Variants in STAM2 observed in about 807,000 individuals in gnomAD.
The protein encoded by STAM2 is signal transducing adapter molecule 2.
A neutral mutation model predicts 65.6 loss-of-function variants in STAM2; 51 were observed. That is an observed-to-expected ratio of 0.78 (90% CI 0.62 to 0.98). STAM2 has a LOEUF of 0.98. Ranked by LOEUF, STAM2 falls within the 50% of genes least tolerant of loss-of-function variation. The probability of loss-of-function intolerance (pLI) is 0.00; values close to 1 mark genes in which losing one functional copy is unlikely to be tolerated. For missense variants in STAM2, 584 were observed against 617.8 expected (o/e 0.95, Z 0.58); for synonymous variants, 198 against 208.4 (o/e 0.95, Z 0.43).
At chr2:152,147,974 C>G in intron 4 of STAM2, 50 bp downstream of exon 4, 1 of 1,361,504 alleles carries the variant, frequency 7.3e-7, no homozygotes, top group Non-Finnish European at 1.0e-6. Context: ...TAATGACACA[C>G]AATCTACATT....
Position 152,147,147 on chromosome 2 carries a change from G to A in STAM2, c.447+15C>T. The A allele has an allele frequency of 6.3e-7, 1 of 1,596,698 alleles. No individual in the cohort carries two copies. The highest frequency in any genetic ancestry group is 8.5e-7 in the Non-Finnish European group (1 of 1,174,094). On this transcript the variant is annotated intron_variant, in intron 5 of 13. Transcript: ENST00000263904. The stretch of plus-strand genomic sequence containing the variant: ...ATATTATAGGGTCAACCATGGGTCT[G>A]AATAAATCTCTCACCTGAGAACCTG...
At chr2:152,132,012 G>T in intron 11 of STAM2, 102 bp downstream of exon 11, 1 of 732,700 alleles carries the variant, frequency 1.4e-6, no homozygotes. Context: ...CAATTTCCAT[G>T]AATTGTACAG....
chr2:152,159,688 G>C (rs978674679), intron 1 of STAM2, among the ~76,000 whole-genome samples: 6 of 152,050 alleles, frequency 3.9e-5, no homozygotes, highest in Non-Finnish European at 7.4e-5. Context: ...AGTTTTCCTC[G>C]TTTTTAAAAG....
intron 1 of STAM2, among the ~76,000 whole-genome samples, chr2:152,162,753 C>T (rs1003563093): frequency 7.9e-5 from 12 of 151,944 alleles, no homozygotes; most frequent in Admixed American, 3.3e-4. Context: ...GTGATTCTCC[C>T]GCCTCAGCAT....
chr2:152,172,941 C>T (rs964518050), intron 1 of STAM2, among the ~76,000 whole-genome samples: 2 of 151,648 alleles, frequency 1.3e-5, no homozygotes, highest in Non-Finnish European at 2.9e-5. Context: ...GAGAAAGCTC[C>T]TATCTGAAGG....
At chr2:152,153,003 T>C (rs1389719631) in intron 1 of STAM2, among the ~76,000 whole-genome samples, 1 of 152,178 alleles carries the variant, frequency 6.6e-6, no homozygotes, top group Non-Finnish European at 1.5e-5. Flanking sequence ...AAATATTACA[T>C]GATCAAAGTA....
At chr2:152,172,095 C>A (rs952012882) in intron 1 of STAM2, among the ~76,000 whole-genome samples, 2 of 152,248 alleles carry the variant, frequency 1.3e-5, no homozygotes, top group African/African-American at 4.8e-5. Context: ...ACCCCTCTAA[C>A]ACTTGAGGCC....
At chr2:152,160,979 C>A (rs911401810) in intron 1 of STAM2, among the ~76,000 whole-genome samples, 2 of 152,260 alleles carry the variant, frequency 1.3e-5, no homozygotes, top group African/African-American at 4.8e-5. Context: ...GCCCGGCCAC[C>A]ACCCCGTCTG....
chr2:152,156,689 AGGC>A (rs1158071519), intron 1 of STAM2, among the ~76,000 whole-genome samples: 1 of 152,202 alleles, frequency 6.6e-6, no homozygotes, highest in African/African-American at 2.4e-5. Context: ...AGGAACAAAA[AGGC>A]TCCCCCCCTT....
chr2:152,163,446 T>G (rs1198498013), intron 1 of STAM2, among the ~76,000 whole-genome samples: 1 of 151,014 alleles, frequency 6.6e-6, no homozygotes, highest in Non-Finnish European at 1.5e-5. Context: ...ATGATTGCAT[T>G]AACTGTACAA....
chr2:152,162,223 C>G (rs1404066760), intron 1 of STAM2, among the ~76,000 whole-genome samples: 1 of 152,210 alleles, frequency 6.6e-6, no homozygotes. Flanking sequence ...TAAGCAATAA[C>G]TCCTGAGCAT....
chr2:152,135,060 G>A (rs1274853247), intron 8 of STAM2, among the ~76,000 whole-genome samples: 5 of 152,282 alleles, frequency 3.3e-5, no homozygotes, highest in Non-Finnish European at 4.4e-5. Flanking sequence ...TCAAGGTGAG[G>A]AAAGGTCTAA....
intron 11 of STAM2, 142 bp downstream of exon 11, chr2:152,131,972 A>G: frequency 1.7e-6 from 1 of 588,746 alleles, no homozygotes; most frequent in South Asian, 2.4e-5. Context: ...CCTTGCTATA[A>G]ATTTGTTAAA....
rs754764973 is a variant in STAM2, at chr2:152,123,811, A to G, written c.1304T>C (p.Val435Ala). ...AGGCTGTGCTGTCACTGAGGAATTC[A>G]CATTTGGAGGCAGAGATCTCAGTGG... ...IGPLRSLPPN[V>A]NSSVTAQPAQ... The change falls in exon 13 of 14, where the codon GTG becomes GCG. Residue 435 changes from valine (V) to alanine (A), a missense_variant. By Grantham distance (64) the Val-to-Ala change is moderately conservative. Coordinates refer to ENST00000263904, the MANE Select transcript of STAM2 (RefSeq NM_005843.6). 2 of 1,614,208 alleles carry G rather than the reference A, an allele frequency of 1.2e-6. No homozygotes were observed. Among genetic ancestry groups the G allele is most frequent in the Non-Finnish European group, 1.7e-6 (2 of 1,180,034 alleles).
chr2:152,159,110 T>TATATATATATATATATATATAC (rs575009275), intron 1 of STAM2, among the ~76,000 whole-genome samples: 2,689 of 128,052 alleles, frequency 0.021, 44 homozygotes, highest in Non-Finnish European at 0.029. Context: ...TATATATATA[T>TATATATATATATATATATATAC]ACACACACAG....
chr2:152,160,394 T>A (rs1398290181), intron 1 of STAM2, among the ~76,000 whole-genome samples: 7 of 142,226 alleles, frequency 4.9e-5, no homozygotes, highest in African/African-American at 1.6e-4. Context: ...CCGTCTGGGA[T>A]GTGAGGAGCG....
chr2:152,144,932 C>T lies in STAM2; in HGVS notation c.473G>A (p.Gly158Asp). The T allele has an allele frequency of 6.2e-7, 1 of 1,613,870 alleles. No homozygotes were observed. The highest frequency in any genetic ancestry group is 8.5e-7 in the Non-Finnish European group (1 of 1,179,808). Residue 158 changes from glycine to aspartate, a missense_variant, in exon 6 of 14, where the codon GGT (glycine) becomes GAT (aspartate). Physicochemically the swap from Gly to Asp is moderately conservative, Grantham distance 94 (BLOSUM62 -1). Coordinates refer to ENST00000263904, the MANE Select transcript of STAM2 (RefSeq NM_005843.6). Reference protein sequence around the residue: ...SQTVSAAAKNGTSSNKNKEDE... With the variant: ...SQTVSAAAKNDTSSNKNKEDE... ...CTCTTTGTTTTTGTTCGATGACGTA[C>T]CATTCTTGGCAGCAGCTGAGACAGT...
chr2:152,152,878 A>T (rs1159090116), intron 1 of STAM2, among the ~76,000 whole-genome samples: 2 of 152,224 alleles, frequency 1.3e-5, no homozygotes, highest in Non-Finnish European at 2.9e-5. Context: ...AATGATAAAC[A>T]TCAAACTTGA....
At position 152,153,303 on chromosome 2, in the gene STAM2, T is replaced by C. The variant is rs182141052; in HGVS notation, c.41-3074A>G. ...AGAATAATCTAGCAAAACATACATATATATATATGAATGACAGGTAATATC... is the reference window on the plus strand; with the variant it reads ...AGAATAATCTAGCAAAACATACATACATATATATGAATGACAGGTAATATC... On this transcript the variant is annotated intron_variant, in intron 1 of 13. Coordinates refer to ENST00000263904, the MANE Select transcript of STAM2 (RefSeq NM_005843.6). 3.3e-5 allele frequency among the ~76,000 whole-genome samples: 5 copies of C among 152,072 alleles called. No homozygotes were observed. The East Asian group carries it at 5.8e-4, about 18-fold the overall frequency.
Sources: gnomAD v4.1 joint callset for allele counts (sites outside exome capture counted in the v4.1 genomes callset) on GRCh38, gnomAD v4.1.1 for gene constraint, MANE v1.5 for transcripts, NCBI Gene and HGNC (gene_info 2026-07-23, HGNC 2026-07-21) for gene names.